Variants in FHOD3 observed in about 807,000 individuals in gnomAD.
The protein encoded by FHOD3 is formin homology 2 domain containing 3.
Under a neutral mutation model 173.0 loss-of-function variants are expected in FHOD3, and 90 were observed. The observed-to-expected ratio is 0.52, with a 90% CI of 0.44 to 0.62. The LOEUF (loss-of-function observed/expected upper bound fraction) is 0.62. Ranked by LOEUF, FHOD3 falls within the 20% of genes least tolerant of loss-of-function variation. The pLI is 0.00. For synonymous variants in FHOD3, 828 were observed against 823.0 expected (o/e 1.01, Z -0.10); for missense variants, 1,945 against 2,034.7 (o/e 0.96, Z 0.85).
At chr18:36,448,761 G>A (rs1250329183) in intron 3 of FHOD3, among the ~76,000 whole-genome samples, 1 of 152,114 alleles carries the variant, frequency 6.6e-6, no homozygotes, top group East Asian at 1.9e-4. Flanking sequence ...CTGAAAAGGA[G>A]CCTGGGCCTC....
chr18:36,596,463 G>A (rs559711890), intron 7 of FHOD3, among the ~76,000 whole-genome samples: 11 of 151,514 alleles, frequency 7.3e-5, no homozygotes, highest in East Asian at 1.9e-4. Context: ...GATTACAGGC[G>A]TGAGCCAGCG....
intron 5 of FHOD3, among the ~76,000 whole-genome samples, chr18:36,575,352 TTG>T (rs1345444257): frequency 2.6e-5 from 4 of 152,232 alleles, no homozygotes; most frequent in African/African-American, 9.6e-5. Context: ...TACTTAGAAT[TTG>T]TGTTTACTGT....
At chr18:36,522,361 C>G (rs2056317422) in intron 5 of FHOD3, among the ~76,000 whole-genome samples, 3 of 152,222 alleles carry the variant, frequency 2.0e-5, no homozygotes, top group Non-Finnish European at 2.9e-5. Context: ...GCTCTTGTTT[C>G]TGAAGCAGTA....
chr18:36,419,708 G>A (rs919053533), intron 3 of FHOD3, among the ~76,000 whole-genome samples: 1 of 152,202 alleles, frequency 6.6e-6, no homozygotes, highest in East Asian at 1.9e-4. Flanking sequence ...TAAATAGTGA[G>A]TTAGTGTGTC....
At chr18:36,445,484 T>A (rs889975242) in intron 3 of FHOD3, among the ~76,000 whole-genome samples, 9 of 152,176 alleles carry the variant, frequency 5.9e-5, no homozygotes, top group Non-Finnish European at 1.3e-4. Flanking sequence ...GTACTTTTCA[T>A]GGTGTTTGGC....
intron 1 of FHOD3, among the ~76,000 whole-genome samples, chr18:36,306,076 C>A (rs750659399): frequency 6.6e-6 from 1 of 152,104 alleles, no homozygotes; most frequent in Non-Finnish European, 1.5e-5. Context: ...AGCTTTTAAC[C>A]CTTCTGAACA....
intron 3 of FHOD3, among the ~76,000 whole-genome samples, chr18:36,411,160 T>C (rs2049335495): frequency 6.6e-6 from 1 of 152,244 alleles, no homozygotes. Flanking sequence ...TTTAGGTCTC[T>C]GATCCATTTT....
At chr18:36,566,369 T>A (rs2058264650) in intron 5 of FHOD3, among the ~76,000 whole-genome samples, 1 of 152,248 alleles carries the variant, frequency 6.6e-6, no homozygotes, top group Non-Finnish European at 1.5e-5. Flanking sequence ...TTATTTATTT[T>A]ATATGTAAGG....
chr18:36,584,318 ATTGT>A (rs1242790108), intron 6 of FHOD3, among the ~76,000 whole-genome samples: 4 of 152,128 alleles, frequency 2.6e-5, no homozygotes, highest in Admixed American at 6.5e-5. Flanking sequence ...GGCGTGAAAG[ATTGT>A]TTGTCTCTCT....
chr18:36,581,360 A>C (rs114663200), intron 6 of FHOD3, among the ~76,000 whole-genome samples: 3,327 of 152,268 alleles, frequency 0.022, 139 homozygotes, highest in African/African-American at 0.076. Context: ...CTTTATCTCT[A>C]TGGATCCTCT....
intron 20 of FHOD3, among the ~76,000 whole-genome samples, chr18:36,735,800 TG>T (rs1473568264): frequency 8.5e-5 from 13 of 152,364 alleles, no homozygotes; most frequent in Admixed American, 3.3e-4. Context: ...TATACAAAGC[TG>T]TAGCCAGTGT....
At chr18:36,370,266 GTAGGAGC>G (rs371945140) in intron 2 of FHOD3, among the ~76,000 whole-genome samples, 2 of 152,200 alleles carry the variant, frequency 1.3e-5, no homozygotes, top group East Asian at 3.9e-4. Flanking sequence ...AGAAGATAAG[GTAGGAGC>G]TAGAATATTG....
intron 6 of FHOD3, among the ~76,000 whole-genome samples, chr18:36,587,654 G>C (rs765151447): frequency 6.6e-6 from 1 of 152,080 alleles, no homozygotes; most frequent in South Asian, 2.1e-4. Flanking sequence ...AGCTGGGCTT[G>C]GTGGTGCATG....
intron 3 of FHOD3, among the ~76,000 whole-genome samples, chr18:36,381,172 C>T (rs903640012): frequency 4.6e-5 from 7 of 152,194 alleles, no homozygotes; most frequent in African/African-American, 1.4e-4. Flanking sequence ...TCTTTAGAAA[C>T]ATTTGCCTAA....
At chr18:36,778,176 T>C (rs779624136) in intron 28 of FHOD3, 1 of 152,200 alleles carries the variant, frequency 6.6e-6, no homozygotes, top group Non-Finnish European at 1.5e-5. Context: ...ATTTAGGGGA[T>C]GATGGGAAGG....
chr18:36,342,119 CAGAT>C (rs914242785), intron 1 of FHOD3, among the ~76,000 whole-genome samples: 3 of 152,006 alleles, frequency 2.0e-5, no homozygotes, highest in African/African-American at 4.8e-5. Context: ...AAATTAGACA[CAGAT>C]GGAGGGAGAA....
intron 5 of FHOD3, among the ~76,000 whole-genome samples, chr18:36,526,015 A>G (rs552746866): frequency 3.3e-5 from 5 of 152,374 alleles, no homozygotes; most frequent in East Asian, 3.9e-4. Context: ...GATCTCACCT[A>G]TGAAGACAAG....
chr18:36,678,409 T>C (rs967497737), intron 14 of FHOD3, among the ~76,000 whole-genome samples: 4 of 151,024 alleles, frequency 2.6e-5, no homozygotes, highest in African/African-American at 9.7e-5. Flanking sequence ...TGATGGTGCA[T>C]GCCTGTGGTC....
At chr18:36,666,654 T>G (rs1301019127) in intron 14 of FHOD3, among the ~76,000 whole-genome samples, 1 of 152,226 alleles carries the variant, frequency 6.6e-6, no homozygotes, top group Non-Finnish European at 1.5e-5. Flanking sequence ...AGTTTTTGCT[T>G]TTGTTAATAT....
Sources: allele counts gnomAD v4.1 joint callset (sites outside exome capture counted in the v4.1 genomes callset), GRCh38; gene constraint gnomAD v4.1.1; transcripts MANE v1.5; gene names NCBI Gene and HGNC (gene_info 2026-07-23, HGNC 2026-07-21).